The following UPK1A variants were observed in gnomAD, a reference collection of about 807,000 sequenced individuals.
UPK1A encodes the protein uroplakin-1a.
In UPK1A, 31 loss-of-function variants were observed where a neutral mutation model predicts 32.3. The observed-to-expected ratio is 0.96, with a 90% confidence interval of 0.72 to 1.30. The LOEUF is 1.30. Ranked by LOEUF, UPK1A falls within the 50% of genes most tolerant of loss-of-function variation. The pLI is 0.00. For missense variants in UPK1A, 340 were observed against 357.4 expected (o/e 0.95, Z 0.39); for synonymous variants, 135 against 137.1 (o/e 0.98, Z 0.11).
exon 8 of UPK1A, chr19:35,678,283 C>T (rs1052872448): frequency 2.6e-6 from 1 of 385,658 alleles, no homozygotes; most frequent in African/African-American, 2.1e-5. Flanking sequence ...TTCACAGATA[C>T]CTCTCTTGTA....
chr19:35,678,109 T>G (rs1249308852), exon 8 of UPK1A: 7 of 1,433,964 alleles, frequency 4.9e-6, no homozygotes, highest in Non-Finnish European at 6.5e-6. Flanking sequence ...CTGCCTCACC[T>G]CTCACCTCCC....
rs1968040949 is a variant in UPK1A, at chr19:35,668,710, G to A, written c.285+56G>A. 7.2e-6 allele frequency: 11 copies of A among 1,528,340 alleles called. No homozygotes were observed. The South Asian group carries it at 1.4e-4, about 19-fold the overall frequency. The allele number at this position is 1,528,340 out of a possible 1,614,324, so 94.7% of individuals were successfully genotyped here. A position where few individuals can be genotyped will look rare whatever the true frequency, so the allele number is the denominator to read the frequency against. On this transcript the variant is annotated intron_variant, in intron 3 of 7. Coordinates refer to ENST00000617999, the Ensembl canonical transcript of UPK1A. ...ACTGAAAACGGAGTTCAGCATCACT[G>A]AGTCATAGTAGCAGGTGCAGCCCCA...
rs779804636 is a variant in UPK1A at position 35,675,987 on chromosome 19, C to T, written c.616C>T (p.Arg206Cys). 24 of 1,613,752 alleles carry T rather than the reference C, an allele frequency of 1.5e-5. No homozygotes were observed. In the South Asian group the frequency reaches 1.6e-4, roughly 11 times the overall value. Residue 206 changes from arginine to cysteine, a missense_variant, in exon 6 of 8, where the codon CGC becomes TGC. Arg to Cys is a radical substitution (Grantham distance 180). Coordinates refer to ENST00000617999, the Ensembl canonical transcript of UPK1A. The stretch of plus-strand genomic sequence containing the variant: ...CATCCCCCTCAACGAGGAGGGCTGC[C>T]GCCTGGGGCACATGGACTACCTGTT...
At chr19:35,673,694 C>T (rs904586620) in intron 5 of UPK1A, 149 bp downstream of exon 5, 3 of 696,092 alleles carry the variant, frequency 4.3e-6, no homozygotes, top group Admixed American at 5.8e-5. Context: ...CGGTCATCAC[C>T]GTTCTGCGGA....
exon 6 of UPK1A, chr19:35,675,890 A>G (rs1434488601): frequency 1.2e-6 from 2 of 1,613,902 alleles, no homozygotes; most frequent in East Asian, 2.2e-5. Context: ...ACTTCACGTC[A>G]GCCTTCCGGG....
Position 35,669,255 on chromosome 19 carries a change from G to T in UPK1A, c.285+601G>T, listed in dbSNP as rs1344025672. Among the ~76,000 whole-genome samples the T allele has an allele frequency of 2.0e-5, 3 of 152,124 alleles. No individual in the cohort carries two copies. The East Asian group carries it at 5.8e-4, about 29-fold the overall frequency. On this transcript the variant is annotated intron_variant, in intron 3 of 7. Transcript: ENST00000617999. ...ACACATTGAGACAATGGCAGAGCCA[G>T]TTTCAACCTGAGCAGATCGGCTCTT... is the stretch of plus-strand genomic sequence containing the variant.
intron 6 of UPK1A, chr19:35,676,415 C>A: frequency 3.2e-6 from 1 of 312,254 alleles, no homozygotes; most frequent in Non-Finnish European, 6.2e-6. Context: ...GTCTCGAACT[C>A]CTGAGCTCAA....
At chr19:35,672,512 C>G (rs1267375993) in intron 3 of UPK1A, among the ~76,000 whole-genome samples, 2 of 152,134 alleles carry the variant, frequency 1.3e-5, no homozygotes, top group Non-Finnish European at 1.5e-5. Flanking sequence ...AGGTGATCCA[C>G]CCGTCTCAAC....
At chr19:35,669,251 G>A (rs1968049030) in intron 3 of UPK1A, among the ~76,000 whole-genome samples, 1 of 152,082 alleles carries the variant, frequency 6.6e-6, no homozygotes. Flanking sequence ...CAATGGCAGA[G>A]CCAGTTTCAA....
chr19:35,673,571 G>A (rs1315265348), intron 5 of UPK1A, 26 bp downstream of exon 5: 3 of 1,606,832 alleles, frequency 1.9e-6, no homozygotes, highest in South Asian at 2.2e-5. Context: ...CGGGTGCTGG[G>A]AGGGCCCTGG....
rs147825705 is a variant in UPK1A at position 35,677,627 on chromosome 19, A to G, written c.649-185A>G. On this transcript the variant is annotated intron_variant, in intron 6 of 7. Transcript: ENST00000617999. ...ACCTACTTGTGCAGGGCCTGGGTTCAACATCAGCTCCCTGGGGCCCCGAAA... is the reference window on the plus strand; with the variant it reads ...ACCTACTTGTGCAGGGCCTGGGTTCGACATCAGCTCCCTGGGGCCCCGAAA... Among the ~76,000 whole-genome samples, 814 of 152,152 alleles carry G rather than the reference A, an allele frequency of 5.3e-3. 5 individuals carry two copies. Among genetic ancestry groups the G allele is most frequent in the African/African-American group, 0.019 (773 of 41,518 alleles).
exon 3 of UPK1A, chr19:35,668,472 T>C (rs1394030479): frequency 6.2e-7 from 1 of 1,614,024 alleles, no homozygotes; most frequent in Non-Finnish European, 8.5e-7. Flanking sequence ...CCTGTCCCTG[T>C]TTGCTGAGAC....
chr19:35,678,300 T>C (rs1968214203), exon 8 of UPK1A: 1 of 362,120 alleles, frequency 2.8e-6, no homozygotes, highest in Non-Finnish European at 5.0e-6. Context: ...TGTAGCTCTC[T>C]GACCTCCTCC....
At chr19:35,669,357 T>G (rs1156864419) in intron 3 of UPK1A, among the ~76,000 whole-genome samples, 2 of 151,826 alleles carry the variant, frequency 1.3e-5, no homozygotes, top group Non-Finnish European at 2.9e-5. Context: ...GACACTAGGG[T>G]AAGCAGTTTA....
chr19:35,678,241 T>C, exon 8 of UPK1A: 1 of 478,120 alleles, frequency 2.1e-6, no homozygotes, highest in Non-Finnish European at 3.7e-6. Flanking sequence ...TAGCCCATCT[T>C]TCAAGGGACC....
chr19:35,675,890 A>ACC lies in UPK1A; in HGVS notation c.519_520insCC (p.Ala174ProfsTer69), dbSNP rs753709696. On this transcript the variant is annotated frameshift_variant, in exon 6 of 8. Transcript: ENST00000617999. LOFTEE classifies it high-confidence loss of function. Reference sequence around the variant, plus strand: ...CCATGGACTGGGTGAACTTCACGTCAGCCTTCCGGGCGGCCACTCCGGAGG... The same window carrying ACC: ...CCATGGACTGGGTGAACTTCACGTCACCGCCTTCCGGGCGGCCACTCCGGAGG... 99 of 1,614,020 alleles carry ACC rather than the reference A, an allele frequency of 6.1e-5. 2 individuals carry two copies. The South Asian group carries it at 1.0e-3, about 17-fold the overall frequency.
At chr19:35,667,356 C>T (rs148049718) in intron 2 of UPK1A, among the ~76,000 whole-genome samples, 28 of 150,418 alleles carry the variant, frequency 1.9e-4, no homozygotes, top group Non-Finnish European at 1.9e-4. Flanking sequence ...GTTTTTGAGA[C>T]GGAGTCTCAC....
At chr19:35,675,934 C>A (rs749277609) in exon 6 of UPK1A, 6 of 1,614,012 alleles carry the variant, frequency 3.7e-6, no homozygotes, top group Non-Finnish European at 5.1e-6. Flanking sequence ...CCCTGGCCCC[C>A]ACTGTGCTGT....
intron 5 of UPK1A, 52 bp from the exon 6 acceptor site, chr19:35,675,788 C>T (rs1260645682): frequency 1.3e-6 from 2 of 1,551,270 alleles, no homozygotes; most frequent in East Asian, 2.3e-5. Context: ...CTCAGGCAAG[C>T]AACTGTCCTC....
Sources: gnomAD v4.1 joint callset for allele counts (sites outside exome capture counted in the v4.1 genomes callset) on GRCh38, gnomAD v4.1.1 for gene constraint, MANE v1.5 for transcripts, NCBI Gene and HGNC (gene_info 2026-07-23, HGNC 2026-07-21) for gene names.